The following SHANK2 variants were observed in gnomAD, a reference collection of about 807,000 sequenced individuals.
SHANK2 encodes SH3 and multiple ankyrin repeat domains protein 2.
In SHANK2, 43 loss-of-function variants were observed where a neutral mutation model predicts 133.7. That is an observed-to-expected ratio of 0.32 (90% CI 0.25 to 0.41). SHANK2 has a LOEUF of 0.41. Among genes scored for constraint, SHANK2 ranks in the 10% least tolerant of loss-of-function variants. SHANK2 has a pLI of 1.00. For missense variants in SHANK2, 1,994 were observed against 2,235.8 expected (o/e 0.89, Z 2.18); for synonymous variants, 1,017 against 952.8 (o/e 1.07, Z -1.24).
chr11:71,235,219 G>C (rs1440353736), intron 1 of SHANK2, among the ~76,000 whole-genome samples: 1 of 152,106 alleles, frequency 6.6e-6, no homozygotes, highest in African/African-American at 2.4e-5. Context: ...TGGTCACCAG[G>C]AACACAGGTG....
intron 1 of SHANK2, among the ~76,000 whole-genome samples, chr11:71,225,061 T>C (rs58197322): frequency 0.011 from 1,646 of 152,154 alleles, 27 homozygotes; most frequent in African/African-American, 0.038. Context: ...GCTCTCTGGG[T>C]TTTCTTCTTG....
intron 10 of SHANK2, among the ~76,000 whole-genome samples, chr11:70,908,409 A>C (rs1017110975): frequency 6.6e-5 from 10 of 152,222 alleles, no homozygotes; most frequent in African/African-American, 1.9e-4. Context: ...AGTGCTCCAC[A>C]TAGACAGCAT....
Position 70,500,671 on chromosome 11 carries a change from A to T in SHANK2, c.2288-81T>A, listed in dbSNP as rs1037874359. ...GCCTACACTCGGGCCTTGTCAGCTC[A>T]GGGCGCCTCAGGAGCAGGCTGGGCC... On this transcript the variant is annotated intron_variant, in intron 20 of 25. Coordinates refer to ENST00000601538, the MANE Select transcript of SHANK2 (RefSeq NM_012309.5). The surrounding 1 kb of genome is among the most constrained non-coding windows in gnomAD (Gnocchi z 4.5). 8.4e-6 allele frequency: 13 copies of T among 1,549,678 alleles called. No homozygotes were observed. Among genetic ancestry groups the T allele is most frequent in the African/African-American group, 5.5e-5 (4 of 73,276 alleles).
chr11:70,869,093 C>T (rs1949417823), intron 11 of SHANK2, among the ~76,000 whole-genome samples: 1 of 152,184 alleles, frequency 6.6e-6, no homozygotes, highest in South Asian at 2.1e-4. Flanking sequence ...GATCAGGACA[C>T]AGACATACAG....
intron 10 of SHANK2, among the ~76,000 whole-genome samples, chr11:70,938,587 A>G (rs1555083823): frequency 6.6e-6 from 1 of 152,210 alleles, no homozygotes; most frequent in Non-Finnish European, 1.5e-5. Flanking sequence ...GTACGGGTCA[A>G]TCCTGAGGAA....
At chr11:71,139,673 C>T (rs1396620664) in intron 3 of SHANK2, among the ~76,000 whole-genome samples, 1 of 152,196 alleles carries the variant, frequency 6.6e-6, no homozygotes, top group South Asian at 2.1e-4. Context: ...ATGTCCAGAG[C>T]CAGCACTCCA....
intron 25 of SHANK2, among the ~76,000 whole-genome samples, chr11:70,484,100 C>A (rs1056496848): frequency 1.3e-5 from 2 of 152,194 alleles, no homozygotes; most frequent in Non-Finnish European, 2.9e-5. Flanking sequence ...ATGCTGCCAC[C>A]TGGGGAACAG....
At chr11:70,916,308 G>C (rs1950268330) in intron 10 of SHANK2, among the ~76,000 whole-genome samples, 1 of 152,134 alleles carries the variant, frequency 6.6e-6, no homozygotes, top group Non-Finnish European at 1.5e-5. Flanking sequence ...GGAAAGGTTG[G>C]GGGACATGGA....
At chr11:70,843,905 A>G (rs1948954810) in intron 11 of SHANK2, among the ~76,000 whole-genome samples, 1 of 152,176 alleles carries the variant, frequency 6.6e-6, no homozygotes, top group Admixed American at 6.5e-5. Flanking sequence ...AGGCCTGTGA[A>G]TGCCATCTCC....
Position 71,058,732 on chromosome 11 carries a change from G to A in SHANK2, c.1030-2174C>T, listed in dbSNP as rs978077508. On this transcript the variant is annotated intron_variant, in intron 9 of 25. Transcript: ENST00000601538. Reference sequence around the variant, plus strand: ...GTACAGACAACAGGTGTGACCACCTGGACTCAACACTGCACAAATATACAC... The same window carrying A: ...GTACAGACAACAGGTGTGACCACCTAGACTCAACACTGCACAAATATACAC... 3.3e-5 allele frequency among the ~76,000 whole-genome samples: 5 copies of A among 152,292 alleles called. No homozygotes were observed. The South Asian group carries it at 6.2e-4, about 19-fold the overall frequency.
intron 10 of SHANK2, among the ~76,000 whole-genome samples, chr11:70,952,253 G>A (rs1950855438): frequency 6.6e-6 from 1 of 152,202 alleles, no homozygotes; most frequent in South Asian, 2.1e-4. Flanking sequence ...CCTGGCCGAG[G>A]TCTTGTGCCT....
intron 2 of SHANK2, among the ~76,000 whole-genome samples, chr11:71,177,264 A>G (rs1346440079): frequency 6.6e-6 from 1 of 152,210 alleles, no homozygotes; most frequent in Non-Finnish European, 1.5e-5. Context: ...GGTAACCATG[A>G]GGCTAAATAT....
chr11:71,119,085 C>A lies in SHANK2; in HGVS notation c.208-53G>T. Reference sequence around the variant, plus strand: ...GAGTGACAGAGGACGCTACCTGAGTCACCCATGTGGGGCGCGTGGTCAGAG... The same window carrying A: ...GAGTGACAGAGGACGCTACCTGAGTAACCCATGTGGGGCGCGTGGTCAGAG... On this transcript the variant is annotated intron_variant, in intron 3 of 25. Transcript: ENST00000601538. The A allele has an allele frequency of 2.6e-6, 4 of 1,512,896 alleles. No homozygotes were observed. The South Asian group carries it at 4.9e-5, about 19-fold the overall frequency. The allele number at this position is 1,512,896 out of a possible 1,614,324, so 93.7% of individuals were successfully genotyped here. A position where few individuals can be genotyped will look rare whatever the true frequency, so the allele number is the denominator to read the frequency against.
intron 2 of SHANK2, among the ~76,000 whole-genome samples, chr11:71,197,026 C>T (rs2135604432): frequency 6.6e-6 from 1 of 151,462 alleles, no homozygotes; most frequent in South Asian, 2.1e-4. Context: ...AAAACCCATC[C>T]CTGCTCTCAG....
chr11:70,652,058 G>T (rs1555010268), intron 17 of SHANK2, among the ~76,000 whole-genome samples: 1 of 152,250 alleles, frequency 6.6e-6, no homozygotes, highest in African/African-American at 2.4e-5. Flanking sequence ...CCACAACAGG[G>T]CTCTGGCCTT....
chr11:70,473,177 G>A lies in SHANK2; in HGVS notation c.5242C>T (p.Pro1748Ser), dbSNP rs370834280. The change falls in exon 26 of 26, where the codon CCT becomes TCT. Residue 1748 changes from proline to serine, a missense_variant. Pro to Ser is a moderately conservative substitution (Grantham distance 74). Transcript: ENST00000601538. The surrounding 1 kb of genome is among the most constrained non-coding windows in gnomAD (Gnocchi z 5.9). ...SDVFSLPSQP[P>S]SGDLFGLNPA... ...TTCAAGCCAAATAGATCCCCAGAAGGGGGCTGGCTTGGAAGGCTAAAGACA... is the reference window on the plus strand; with the variant it reads ...TTCAAGCCAAATAGATCCCCAGAAGAGGGCTGGCTTGGAAGGCTAAAGACA... 17 of 1,613,472 alleles carry A rather than the reference G, an allele frequency of 1.1e-5. No homozygotes were observed. Among genetic ancestry groups the A allele is most frequent in the African/African-American group, 6.7e-5 (5 of 74,940 alleles).
intron 22 of SHANK2, among the ~76,000 whole-genome samples, chr11:70,491,186 C>T (rs782391390): frequency 4.6e-5 from 7 of 152,244 alleles, no homozygotes; most frequent in African/African-American, 1.7e-4. Context: ...ATATCAGATG[C>T]GGACGCTCAA....
At chr11:71,132,053 G>A (rs1227496934) in intron 3 of SHANK2, among the ~76,000 whole-genome samples, 2 of 152,240 alleles carry the variant, frequency 1.3e-5, no homozygotes, top group Non-Finnish European at 2.9e-5. Context: ...AAGCCAGCAG[G>A]AGGTCAGAAA....
intron 9 of SHANK2, among the ~76,000 whole-genome samples, chr11:71,061,971 CTTTTTTTTTTTTTT>C (rs1216736346): frequency 1.8e-5 from 2 of 109,572 alleles, no homozygotes; most frequent in African/African-American, 3.4e-5. Context: ...GTCTTTCTTT[CTTTTTTTTTTTTTT>C]TTTTTTTTCT....
Sources: allele counts gnomAD v4.1 joint callset (sites outside exome capture counted in the v4.1 genomes callset), GRCh38; gene constraint gnomAD v4.1.1; non-coding constraint Gnocchi (gnomAD v3.1); transcripts MANE v1.5; gene names NCBI Gene and HGNC (gene_info 2026-07-23, HGNC 2026-07-21).